Variants in MARCHF1 observed in about 807,000 individuals in gnomAD.
MARCHF1 encodes the protein E3 ubiquitin-protein ligase MARCHF1.
MARCHF1 carries 40 observed loss-of-function variants against 54.2 expected under a neutral mutation model. The observed-to-expected ratio is 0.74, with a 90% CI of 0.57 to 0.96. The LOEUF (loss-of-function observed/expected upper bound fraction) is 0.96. Ranked by LOEUF, MARCHF1 falls within the 40% of genes least tolerant of loss-of-function variation. The probability of loss-of-function intolerance (pLI) is 0.00; values close to 1 mark genes in which losing one functional copy is unlikely to be tolerated. For missense variants in MARCHF1, 586 were observed against 656.5 expected, an observed-to-expected ratio of 0.89 and a Z score of 1.17; for synonymous variants, 236 against 236.3, an observed-to-expected ratio of 1.00 and a Z score of 0.01.
chr4:164,305,723 AAC>A (rs1417170242), intron 1 of MARCHF1, among the ~76,000 whole-genome samples: 4 of 152,190 alleles, frequency 2.6e-5, no homozygotes, highest in Admixed American at 6.5e-5. Flanking sequence ...ATTTTATAGT[AAC>A]ACACAGTATT....
intron 5 of MARCHF1, among the ~76,000 whole-genome samples, chr4:163,662,715 C>G (rs905889459): frequency 1.3e-5 from 2 of 151,856 alleles, no homozygotes; most frequent in Non-Finnish European, 2.9e-5. Flanking sequence ...GGTGGCTTTC[C>G]CTCTAGGGTA....
intron 2 of MARCHF1, among the ~76,000 whole-genome samples, chr4:164,049,819 C>T (rs1754320933): frequency 6.6e-6 from 1 of 152,112 alleles, no homozygotes; most frequent in African/African-American, 2.4e-5. Flanking sequence ...TCACTATTTC[C>T]TTGCATTTTA....
At chr4:164,062,042 A>C (rs1579502103) in intron 2 of MARCHF1, among the ~76,000 whole-genome samples, 1 of 152,198 alleles carries the variant, frequency 6.6e-6, no homozygotes, top group Admixed American at 6.5e-5. Flanking sequence ...CAAACCTCTT[A>C]AGCCCTCCTG....
At chr4:164,176,611 A>G (rs1730669237) in intron 1 of MARCHF1, among the ~76,000 whole-genome samples, 1 of 152,144 alleles carries the variant, frequency 6.6e-6, no homozygotes, top group Non-Finnish European at 1.5e-5. Flanking sequence ...CAGAATTAAT[A>G]TGCTCCTACC....
intron 2 of MARCHF1, among the ~76,000 whole-genome samples, chr4:164,096,570 T>A (rs1414064339): frequency 6.6e-6 from 1 of 150,652 alleles, no homozygotes; most frequent in Admixed American, 6.6e-5. Context: ...TATCTAAAAT[T>A]AAAAAAAAAA....
At chr4:164,105,939 T>G (rs1185238440) in intron 2 of MARCHF1, among the ~76,000 whole-genome samples, 1 of 145,490 alleles carries the variant, frequency 6.9e-6, no homozygotes, top group Non-Finnish European at 1.5e-5. Flanking sequence ...AACAACCCCA[T>G]CAAAAAGTGG....
chr4:163,663,099 T>C (rs1336977942), intron 5 of MARCHF1, among the ~76,000 whole-genome samples: 2 of 152,232 alleles, frequency 1.3e-5, no homozygotes, highest in East Asian at 1.9e-4. Flanking sequence ...AATTTGTTTT[T>C]TCTTGTATAC....
chr4:164,191,378 G>T (rs1202817996), intron 1 of MARCHF1, among the ~76,000 whole-genome samples: 1 of 152,128 alleles, frequency 6.6e-6, no homozygotes, highest in African/African-American at 2.4e-5. Flanking sequence ...TGCTTTTACA[G>T]AATATGTCAT....
intron 1 of MARCHF1, among the ~76,000 whole-genome samples, chr4:164,213,513 G>A (rs1246085862): frequency 6.6e-6 from 1 of 151,846 alleles, no homozygotes; most frequent in African/African-American, 2.4e-5. Context: ...GGGATTACAG[G>A]CGTGAGCCAT....
At chr4:164,279,073 A>G (rs1733958676) in intron 1 of MARCHF1, among the ~76,000 whole-genome samples, 2 of 151,928 alleles carry the variant, frequency 1.3e-5, no homozygotes, top group African/African-American at 4.8e-5. Flanking sequence ...AGTCAAAATA[A>G]AAAATCTAAA....
intron 3 of MARCHF1, among the ~76,000 whole-genome samples, chr4:163,900,048 CCA>C (rs1427387319): frequency 1.3e-5 from 2 of 152,050 alleles, no homozygotes; most frequent in African/African-American, 4.8e-5. Context: ...GATCCCATCC[CCA>C]GGAACTCTTG....
At chr4:163,724,596 T>C (rs1344328087) in intron 4 of MARCHF1, among the ~76,000 whole-genome samples, 3 of 152,198 alleles carry the variant, frequency 2.0e-5, no homozygotes, top group Admixed American at 2.0e-4. Flanking sequence ...GGCTATGCCC[T>C]GCCCCTAGAG....
rs148815295 is a variant in MARCHF1, at chr4:163,542,767, C to T, written c.1339+2829G>A. On this transcript the variant is annotated intron_variant, in intron 9 of 9. Coordinates refer to ENST00000514618, the MANE Select transcript of MARCHF1 (RefSeq NM_001394959.1). ...GTTAAAAATATGCATTTCTAGTGAA[C>T]GCCCAGGTGATACTGATGTTGTTGG... 7.6e-3 allele frequency among the ~76,000 whole-genome samples: 1,151 copies of T among 152,276 alleles called. 17 individuals carry two copies. The highest frequency in any genetic ancestry group is 0.027 in the African/African-American group (1,104 of 41,552).
chr4:163,846,711 G>C (rs1263258692), intron 4 of MARCHF1, among the ~76,000 whole-genome samples: 2 of 151,974 alleles, frequency 1.3e-5, no homozygotes, highest in African/African-American at 4.8e-5. Context: ...TCTCAGACTT[G>C]TTTGATCTTT....
At chr4:163,541,102 G>T (rs543309107) in intron 9 of MARCHF1, among the ~76,000 whole-genome samples, 14 of 152,354 alleles carry the variant, frequency 9.2e-5, no homozygotes, top group African/African-American at 3.4e-4. Context: ...GCTCAAGCCA[G>T]TGTTTATTCT....
chr4:163,700,745 T>C lies in MARCHF1; in HGVS notation c.162+68A>G. On this transcript the variant is annotated intron_variant, in intron 5 of 9. Coordinates refer to ENST00000514618, the MANE Select transcript of MARCHF1 (RefSeq NM_001394959.1). ...ACAGATAACAATTATAGGTTAAACA[T>C]TATAAACATTTATGTGAACTCATGA... 5 of 1,158,000 alleles carry C rather than the reference T, an allele frequency of 4.3e-6. No individual in the cohort carries two copies. The South Asian group carries it at 6.6e-5, about 15-fold the overall frequency. 71.7% of individuals were successfully genotyped at this position (1,158,000 alleles called of 1,614,324 possible).
At position 163,778,484 on chromosome 4, in the gene MARCHF1, CTTAT is replaced by C. The variant is rs536863087; in HGVS notation, c.111+75533_111+75536del. On this transcript the variant is annotated intron_variant, in intron 4 of 9. Transcript: ENST00000514618. ...AGCTAAGTGAGCATCTTTTAATGTG[CTTAT>C]TTGTCATCTATACATTTGCTCTGGT... Among the ~76,000 whole-genome samples, 20 of 152,208 alleles carry C rather than the reference CTTAT, an allele frequency of 1.3e-4. No individual in the cohort carries two copies. The East Asian group carries it at 3.1e-3, about 23-fold the overall frequency.
intron 1 of MARCHF1, among the ~76,000 whole-genome samples, chr4:164,132,360 A>T (rs139150991): frequency 7.9e-5 from 12 of 152,162 alleles, no homozygotes; most frequent in African/African-American, 2.9e-4. Flanking sequence ...AGCACTTGGG[A>T]TCATTTAACC....
chr4:163,852,869 G>C (rs1749678025), intron 4 of MARCHF1, among the ~76,000 whole-genome samples: 1 of 152,174 alleles, frequency 6.6e-6, no homozygotes, highest in South Asian at 2.1e-4. Context: ...GTATTAGGAG[G>C]TGGAGCCTTT....
Sources: gnomAD v4.1 joint callset for allele counts (sites outside exome capture counted in the v4.1 genomes callset) on GRCh38, gnomAD v4.1.1 for gene constraint, MANE v1.5 for transcripts, NCBI Gene and HGNC (gene_info 2026-07-23, HGNC 2026-07-21) for gene names.